The following NCKAP5 variants were observed in gnomAD, a reference collection of about 807,000 sequenced individuals.
NCKAP5 encodes nck-associated protein 5.
NCKAP5 carries 92 observed loss-of-function variants against 167.0 expected under a neutral mutation model. The ratio of observed to expected loss-of-function variants is 0.55; its 90% CI spans 0.47 to 0.66. NCKAP5 has a LOEUF of 0.66. Ranked by LOEUF, NCKAP5 falls within the 30% of genes least tolerant of loss-of-function variation. The pLI is 0.00. For missense variants in NCKAP5, 2,378 were observed against 2,315.0 expected, an observed-to-expected ratio of 1.03 and a Z score of -0.56; for synonymous variants, 891 against 877.4, an observed-to-expected ratio of 1.02 and a Z score of -0.27.
At chr2:133,515,916 T>G (rs1016608136) in intron 3 of NCKAP5, among the ~76,000 whole-genome samples, 1 of 152,242 alleles carries the variant, frequency 6.6e-6, no homozygotes, top group African/African-American at 2.4e-5. Flanking sequence ...TTGGCAGTGA[T>G]CCAAGGCCAT....
chr2:132,980,402 C>T (rs2077100043), intron 7 of NCKAP5, among the ~76,000 whole-genome samples: 1 of 152,140 alleles, frequency 6.6e-6, no homozygotes, highest in South Asian at 2.1e-4. Flanking sequence ...GTGGAACCAG[C>T]ACATTAGTGT....
At chr2:133,506,915 G>A (rs1250420641) in intron 3 of NCKAP5, among the ~76,000 whole-genome samples, 1 of 152,168 alleles carries the variant, frequency 6.6e-6, no homozygotes, top group Non-Finnish European at 1.5e-5. Flanking sequence ...GGATGAGAAA[G>A]GCTAACTACT....
intron 6 of NCKAP5, among the ~76,000 whole-genome samples, chr2:133,051,433 G>A (rs1415825966): frequency 6.6e-6 from 1 of 152,052 alleles, no homozygotes; most frequent in Non-Finnish European, 1.5e-5. Flanking sequence ...TAGTTAAAGG[G>A]TTGCTATTGA....
At chr2:133,128,182 C>T (rs1037072107) in intron 6 of NCKAP5, among the ~76,000 whole-genome samples, 1 of 152,202 alleles carries the variant, frequency 6.6e-6, no homozygotes, top group Non-Finnish European at 1.5e-5. Context: ...TCACCGGTCA[C>T]AGTGTTCTCC....
chr2:133,613,401 T>G, the NCKAP5 span, among the ~76,000 whole-genome samples: 11 of 152,332 alleles, frequency 7.2e-5, no homozygotes, highest in Admixed American at 2.6e-4. Context: ...AACTCCAAGT[T>G]TACTTTTAGG....
At chr2:132,681,206 T>G (rs1325972214) in intron 19 of NCKAP5, among the ~76,000 whole-genome samples, 1 of 152,098 alleles carries the variant, frequency 6.6e-6, no homozygotes, top group African/African-American at 2.4e-5. Context: ...AGATGAGAAC[T>G]TCTAAATCTA....
At chr2:133,615,827 C>T in the NCKAP5 span, among the ~76,000 whole-genome samples, 4 of 152,226 alleles carry the variant, frequency 2.6e-5, no homozygotes, top group Non-Finnish European at 4.4e-5. Flanking sequence ...GAACTCTCCA[C>T]CCCAAATCAA....
At chr2:132,678,110 T>C (rs1684736051) in intron 19 of NCKAP5, among the ~76,000 whole-genome samples, 1 of 152,036 alleles carries the variant, frequency 6.6e-6, no homozygotes, top group African/African-American at 2.4e-5. Context: ...CTTGCCATAA[T>C]GAAGAGGTGG....
chr2:132,728,858 C>T lies in NCKAP5; in HGVS notation c.5538G>A (p.Pro1846=), dbSNP rs758919929. The change falls in exon 18 of 20, where the codon CCG becomes CCA. Residue 1846 remains proline (P), a synonymous_variant. Coordinates refer to ENST00000409261, the MANE Select transcript of NCKAP5 (RefSeq NM_207363.3). The part of the protein sequence containing the change: ...GYAEDPMASQ[P]LPDWGSEVAA... ...CAACTTCACTCCCCCAGTCTGGAAG[C>T]GGCTGGCTTGCCATTGGGTCTTCAG... is the stretch of plus-strand genomic sequence containing the variant. The T allele has an allele frequency of 1.6e-4, 260 of 1,613,852 alleles. No homozygotes were observed. Among genetic ancestry groups the T allele is most frequent in the Non-Finnish European group, 2.0e-4 (233 of 1,179,866 alleles).
chr2:133,028,518 G>T (rs909608501), intron 6 of NCKAP5, among the ~76,000 whole-genome samples: 4 of 152,108 alleles, frequency 2.6e-5, no homozygotes, highest in African/African-American at 7.2e-5. Context: ...TTGCTGCATT[G>T]CTATGAATTT....
chr2:133,587,070 G>A, the NCKAP5 span, among the ~76,000 whole-genome samples: 2 of 152,140 alleles, frequency 1.3e-5, no homozygotes, highest in African/African-American at 4.8e-5. Flanking sequence ...GGTGTGCCCT[G>A]CCCTAATCTA....
At chr2:132,856,738 T>C (rs1472972430) in intron 11 of NCKAP5, among the ~76,000 whole-genome samples, 2 of 152,144 alleles carry the variant, frequency 1.3e-5, no homozygotes, top group Non-Finnish European at 2.9e-5. Flanking sequence ...GGCTCCTTAT[T>C]GGGATTGTAC....
At chr2:133,520,965 T>A (rs1420513221) in intron 2 of NCKAP5, among the ~76,000 whole-genome samples, 1 of 152,024 alleles carries the variant, frequency 6.6e-6, no homozygotes, top group Non-Finnish European at 1.5e-5. Flanking sequence ...AAGGTGAAAA[T>A]TTGTGAGTTA....
intron 19 of NCKAP5, among the ~76,000 whole-genome samples, chr2:132,701,014 T>C (rs1182816627): frequency 2.6e-5 from 4 of 151,462 alleles, no homozygotes; most frequent in Non-Finnish European, 5.9e-5. Context: ...TAGTCGGCAA[T>C]AGGTCTGTGG....
chr2:133,297,285 G>T (rs1680035672), intron 4 of NCKAP5, among the ~76,000 whole-genome samples: 1 of 151,582 alleles, frequency 6.6e-6, no homozygotes, highest in Non-Finnish European at 1.5e-5. Context: ...CTAAGTTCTA[G>T]ATTCTGACTC....
chr2:133,057,855 A>G (rs553543394), intron 6 of NCKAP5, among the ~76,000 whole-genome samples: 1 of 152,356 alleles, frequency 6.6e-6, no homozygotes, highest in East Asian at 1.9e-4. Context: ...GCCAGCCAGG[A>G]CTTTCATAGC....
intron 3 of NCKAP5, among the ~76,000 whole-genome samples, chr2:133,310,223 C>T (rs185133991): frequency 7.9e-5 from 12 of 152,344 alleles, no homozygotes; most frequent in Admixed American, 5.9e-4. Flanking sequence ...TAACTGGCAT[C>T]TGTACCAATA....
the NCKAP5 span, among the ~76,000 whole-genome samples, chr2:133,590,483 C>T: frequency 6.8e-6 from 1 of 148,080 alleles, no homozygotes; most frequent in South Asian, 2.2e-4. Context: ...GAGATCGCGC[C>T]ACTGCACTCC....
intron 6 of NCKAP5, among the ~76,000 whole-genome samples, chr2:133,074,803 TAGAC>T (rs2080543133): frequency 6.6e-6 from 1 of 151,998 alleles, no homozygotes; most frequent in Admixed American, 6.6e-5. Flanking sequence ...ATTTAAACAA[TAGAC>T]AGCAAAAAAG....
Sources: allele counts gnomAD v4.1 joint callset (sites outside exome capture counted in the v4.1 genomes callset), GRCh38; gene constraint gnomAD v4.1.1; transcripts MANE v1.5; gene names NCBI Gene and HGNC (gene_info 2026-07-23, HGNC 2026-07-21).